PADI4: variants seen among roughly 807,000 people sequenced by gnomAD.
PADI4 encodes protein-arginine deiminase type-4.
Under a neutral mutation model 75.0 loss-of-function variants are expected in PADI4, and 62 were observed. The observed-to-expected ratio is 0.83, with a 90% CI of 0.67 to 1.02. The LOEUF (loss-of-function observed/expected upper bound fraction) is 1.02. Among genes scored for constraint, PADI4 ranks in the 50% least tolerant of loss-of-function variants. The probability of loss-of-function intolerance (pLI) is 0.00; values close to 1 mark genes in which losing one functional copy is unlikely to be tolerated. For synonymous variants in PADI4, 361 were observed against 348.1 expected (o/e 1.04, Z -0.41); for missense variants, 845 against 850.5 (o/e 0.99, Z 0.08).
chr1:17,351,609 CAAAAAAAAA>C (rs56047360), intron 10 of PADI4, among the ~76,000 whole-genome samples: 3 of 98,026 alleles, frequency 3.1e-5, no homozygotes, highest in African/African-American at 1.3e-4. Context: ...GACCTGGTCT[CAAAAAAAAA>C]AAAAAAAAAA....
At chr1:17,357,699 G>A (rs375942787) in intron 13 of PADI4, among the ~76,000 whole-genome samples, 10 of 152,126 alleles carry the variant, frequency 6.6e-5, no homozygotes, top group African/African-American at 9.6e-5. Context: ...TTGGGAGGAC[G>A]AGGCGGGTGG....
chr1:17,328,804 T>C (rs976318463), intron 1 of PADI4, among the ~76,000 whole-genome samples: 2 of 152,140 alleles, frequency 1.3e-5, no homozygotes, highest in African/African-American at 4.8e-5. Flanking sequence ...CTTTTTTGTA[T>C]ACAATGTTGG....
chr1:17,342,311 G>T lies in PADI4; in HGVS notation c.844G>T (p.Ala282Ser), dbSNP rs1181009781. The change falls in exon 8 of 16, where the codon GCT becomes TCT. Residue 282 changes from alanine to serine, a missense_variant. Ala to Ser is a moderately conservative substitution (Grantham distance 99). Transcript: ENST00000375448. ...LDTSNLELPE[A>S]VVFQDSVVFR... ...CCCTCCCCTGCAGGAGCTCCCCGAG[G>T]CTGTGGTGTTCCAAGACAGCGTGGT... 6.2e-7 allele frequency: 1 copy of T among 1,612,718 alleles called. No homozygotes were observed. The highest frequency in any genetic ancestry group is 1.1e-5 in the South Asian group (1 of 91,044).
intron 6 of PADI4, among the ~76,000 whole-genome samples, chr1:17,340,231 G>T (rs2100735471): frequency 6.6e-6 from 1 of 152,306 alleles, no homozygotes; most frequent in East Asian, 1.9e-4. Context: ...CAGGCACGGG[G>T]CACAGAGCCA....
At chr1:17,325,825 C>T (rs1427094843) in intron 1 of PADI4, among the ~76,000 whole-genome samples, 4 of 151,992 alleles carry the variant, frequency 2.6e-5, no homozygotes, top group African/African-American at 9.7e-5. Flanking sequence ...TCTCATGCCT[C>T]AGCCTCCCCA....
intron 8 of PADI4, among the ~76,000 whole-genome samples, chr1:17,343,213 A>AAAATT (rs370215810): frequency 1.1e-4 from 17 of 152,104 alleles, no homozygotes; most frequent in Admixed American, 6.5e-4. Flanking sequence ...ATAAAAATTA[A>AAAATT]AAATTAAATT....
At chr1:17,361,350 C>T (rs1395779349) in intron 15 of PADI4, among the ~76,000 whole-genome samples, 7 of 152,230 alleles carry the variant, frequency 4.6e-5, no homozygotes, top group African/African-American at 9.6e-5. Flanking sequence ...AGTGGACGCC[C>T]GCGGCTATGG....
At chr1:17,343,084 G>A (rs2074452521) in intron 8 of PADI4, among the ~76,000 whole-genome samples, 1 of 152,216 alleles carries the variant, frequency 6.6e-6, no homozygotes, top group Non-Finnish European at 1.5e-5. Context: ...CTACTCGGGA[G>A]GCTGAGGCAG....
intron 1 of PADI4, among the ~76,000 whole-genome samples, chr1:17,322,346 G>A (rs1428860486): frequency 5.3e-5 from 8 of 152,100 alleles, no homozygotes; most frequent in South Asian, 2.1e-4. Flanking sequence ...AAAATTAGCC[G>A]GGAGTGGTGG....
At chr1:17,360,153 T>A (rs1336035460) in intron 15 of PADI4, among the ~76,000 whole-genome samples, 1 of 152,090 alleles carries the variant, frequency 6.6e-6, no homozygotes, top group Non-Finnish European at 1.5e-5. Context: ...TAGACAGGTG[T>A]CCTGGCAGGA....
intron 1 of PADI4, among the ~76,000 whole-genome samples, chr1:17,316,550 C>T (rs1281190165): frequency 2.0e-5 from 3 of 151,446 alleles, no homozygotes; most frequent in African/African-American, 7.3e-5. Context: ...ATTAGCCAGG[C>T]CTGGTGGCGG....
chr1:17,333,282 C>T (rs1258596329), intron 2 of PADI4, among the ~76,000 whole-genome samples: 1 of 152,052 alleles, frequency 6.6e-6, no homozygotes, highest in African/African-American at 2.4e-5. Context: ...CAGGTCCGAG[C>T]ACCTCCGCGT....
At chr1:17,329,847 T>C (rs1206939444) in intron 1 of PADI4, among the ~76,000 whole-genome samples, 1 of 152,250 alleles carries the variant, frequency 6.6e-6, no homozygotes, top group Non-Finnish European at 1.5e-5. Flanking sequence ...CTCTTTGTCT[T>C]TGATGTTCTT....
At chr1:17,340,753 A>G (rs1045411892) in intron 6 of PADI4, among the ~76,000 whole-genome samples, 1 of 146,922 alleles carries the variant, frequency 6.8e-6, no homozygotes, top group African/African-American at 2.5e-5. Flanking sequence ...CCTGACAATC[A>G]TTCTGATCCT....
chr1:17,309,735 G>A (rs1385588426), intron 1 of PADI4, among the ~76,000 whole-genome samples: 1 of 152,190 alleles, frequency 6.6e-6, no homozygotes, highest in East Asian at 1.9e-4. Flanking sequence ...AGGAAATGTC[G>A]GGATGGTCTC....
rs552261520 is a variant in PADI4 at position 17,346,874 on chromosome 1, C to T, written c.1047+735C>T. 6.6e-6 allele frequency among the ~76,000 whole-genome samples: 1 copy of T among 152,262 alleles called. No homozygotes were observed. The highest frequency in any genetic ancestry group is 2.1e-4 in the South Asian group (1 of 4,822). On this transcript the variant is annotated intron_variant, in intron 9 of 15. Transcript: ENST00000375448. The surrounding 1 kb of genome is among the most constrained non-coding windows in gnomAD (Gnocchi z 4.3). ...CTCGTCCATAAATTTCCCCCATCAC[C>T]CCCAGCAGGAATTCATCCCTCTTTC...
chr1:17,345,889 G>A (rs1398561342), intron 8 of PADI4, 139 bp from the exon 9 acceptor site: 1 of 609,872 alleles, frequency 1.6e-6, no homozygotes, highest in South Asian at 2.0e-5. Context: ...TGCCTGCTAA[G>A]AGCAGATGGA....
chr1:17,317,571 C>T (rs2100664551), intron 1 of PADI4, among the ~76,000 whole-genome samples: 1 of 152,068 alleles, frequency 6.6e-6, no homozygotes, highest in South Asian at 2.1e-4. Flanking sequence ...GCCTGGCCAT[C>T]ATAATGCTTT....
chr1:17,334,725 G>T (rs2074279851), intron 3 of PADI4: 1 of 435,530 alleles, frequency 2.3e-6, no homozygotes, highest in Admixed American at 2.5e-5. Flanking sequence ...CACCATTTCT[G>T]CCATATCAAT....
Sources: allele counts gnomAD v4.1 joint callset (sites outside exome capture counted in the v4.1 genomes callset), GRCh38; gene constraint gnomAD v4.1.1; non-coding constraint Gnocchi (gnomAD v3.1); transcripts MANE v1.5; gene names NCBI Gene and HGNC (gene_info 2026-07-23, HGNC 2026-07-21).